Variants in SUPT3H observed in about 807,000 individuals in gnomAD.
SUPT3H encodes the protein SPT3 homolog, SAGA and STAGA complex component, also known as transcription initiation protein SPT3 homolog.
Under a neutral mutation model 44.3 loss-of-function variants are expected in SUPT3H, and 44 were observed. The ratio of observed to expected loss-of-function variants is 0.99; its 90% CI spans 0.78 to 1.28. The LOEUF (loss-of-function observed/expected upper bound fraction) is 1.28, where lower values mean the gene tolerates loss of function less well. Among genes scored for constraint, SUPT3H ranks in the 50% most tolerant of loss-of-function variants. The pLI is 0.00. For missense variants in SUPT3H, 380 were observed against 387.1 expected, an observed-to-expected ratio of 0.98 and a Z score of 0.15; for synonymous variants, 124 against 125.6, an observed-to-expected ratio of 0.99 and a Z score of 0.09.
At chr6:45,328,184 G>A (rs1786699879) in intron 2 of SUPT3H, 2 of 927,274 alleles carry the variant, frequency 2.2e-6, no homozygotes, top group African/African-American at 1.7e-5. Flanking sequence ...AAAGAGCAAG[G>A]GGGAAAAGCC....
intron 10 of SUPT3H, among the ~76,000 whole-genome samples, chr6:44,869,996 G>A (rs1360124884): frequency 1.3e-5 from 2 of 152,182 alleles, no homozygotes; most frequent in African/African-American, 4.8e-5. Context: ...AGCAAGTTGT[G>A]TATGAGGTAC....
At chr6:45,068,566 G>T (rs984372613) in intron 3 of SUPT3H, among the ~76,000 whole-genome samples, 1 of 152,132 alleles carries the variant, frequency 6.6e-6, no homozygotes. Context: ...CAAGTTGATT[G>T]AAAACATAAC....
chr6:45,299,765 A>AAATT (rs1213626877), intron 2 of SUPT3H, among the ~76,000 whole-genome samples: 1 of 151,956 alleles, frequency 6.6e-6, no homozygotes, highest in Admixed American at 6.6e-5. Context: ...AAAAAAAAAA[A>AAATT]AATTAATTAA....
intron 10 of SUPT3H, among the ~76,000 whole-genome samples, chr6:44,915,560 C>A (rs1459112492): frequency 1.3e-5 from 2 of 152,126 alleles, no homozygotes. Flanking sequence ...GGACATGCCA[C>A]ATTATACCCT....
chr6:44,920,190 T>TA (rs560388536), intron 10 of SUPT3H, among the ~76,000 whole-genome samples: 273 of 151,214 alleles, frequency 1.8e-3, no homozygotes, highest in African/African-American at 6.4e-3. Context: ...CAATCACTTA[T>TA]ATTTTTCTAC....
chr6:45,345,165 CTT>C (rs1008886598), intron 2 of SUPT3H, among the ~76,000 whole-genome samples: 27 of 152,234 alleles, frequency 1.8e-4, no homozygotes, highest in Middle Eastern at 3.4e-3. Context: ...TTATAAAAAT[CTT>C]TGACACTTTA....
chr6:44,863,602 G>A (rs1021544252), intron 10 of SUPT3H, among the ~76,000 whole-genome samples: 5 of 152,094 alleles, frequency 3.3e-5, no homozygotes, highest in Non-Finnish European at 7.4e-5. Flanking sequence ...CAGGATAGAG[G>A]TCAGGGTGGC....
downstream of SUPT3H, among the ~76,000 whole-genome samples, chr6:44,825,091 C>T (rs1467926129): frequency 6.6e-6 from 1 of 152,154 alleles, no homozygotes; most frequent in Non-Finnish European, 1.5e-5. Flanking sequence ...GTAAACAGAG[C>T]CTTCTGGGGA....
At chr6:44,869,663 T>C (rs1776051868) in intron 10 of SUPT3H, among the ~76,000 whole-genome samples, 1 of 152,328 alleles carries the variant, frequency 6.6e-6, no homozygotes, top group Non-Finnish European at 1.5e-5. Flanking sequence ...TTTTCTAACC[T>C]GCCCCGAATC....
intron 10 of SUPT3H, among the ~76,000 whole-genome samples, chr6:44,854,214 C>T (rs541061977): frequency 8.0e-4 from 122 of 152,128 alleles, no homozygotes; most frequent in African/African-American, 2.8e-3. Flanking sequence ...AAAATGAATG[C>T]AGGAATGATT....
At chr6:45,278,348 C>A (rs1161263054) in intron 2 of SUPT3H, among the ~76,000 whole-genome samples, 1 of 151,922 alleles carries the variant, frequency 6.6e-6, no homozygotes, top group Non-Finnish European at 1.5e-5. Flanking sequence ...GGTCTTTTTC[C>A]AACTATGGTA....
intron 1 of SUPT3H, among the ~76,000 whole-genome samples, chr6:45,374,502 A>T (rs1796504972): frequency 6.6e-6 from 1 of 152,232 alleles, no homozygotes; most frequent in African/African-American, 2.4e-5. Context: ...CAAGTGTTAG[A>T]GCCTCAATAA....
intron 9 of SUPT3H, among the ~76,000 whole-genome samples, chr6:44,947,394 T>C (rs1295139344): frequency 2.6e-5 from 4 of 152,114 alleles, no homozygotes; most frequent in African/African-American, 7.2e-5. Context: ...AGACTTCATA[T>C]GTACAGCATT....
At chr6:45,137,725 C>T (rs1339600648) in intron 2 of SUPT3H, among the ~76,000 whole-genome samples, 1 of 150,974 alleles carries the variant, frequency 6.6e-6, no homozygotes, top group East Asian at 1.9e-4. Flanking sequence ...AAGTAGAAAC[C>T]AAGAAATAAA....
chr6:45,253,848 C>CATATATAT (rs34256293), intron 2 of SUPT3H, among the ~76,000 whole-genome samples: 2,075 of 88,684 alleles, frequency 0.023, 104 homozygotes, highest in Admixed American at 0.059. Context: ...CACATATACG[C>CATATATAT]ATATATATAT....
chr6:44,815,965 A>G (rs1011809163), intron 11 of SUPT3H, among the ~76,000 whole-genome samples: 1 of 152,138 alleles, frequency 6.6e-6, no homozygotes, highest in Non-Finnish European at 1.5e-5. Context: ...TCAAGTGCAT[A>G]TGCACATGTT....
At chr6:45,135,256 A>G (rs185571309) in intron 2 of SUPT3H, among the ~76,000 whole-genome samples, 1 of 152,110 alleles carries the variant, frequency 6.6e-6, no homozygotes, top group Non-Finnish European at 1.5e-5. Flanking sequence ...TCATCTTCCC[A>G]TTGTTTTAAC....
intron 2 of SUPT3H, among the ~76,000 whole-genome samples, chr6:45,214,307 C>A: frequency 6.6e-6 from 1 of 151,598 alleles, no homozygotes. Flanking sequence ...CAAAAATTGC[C>A]AAATGGGAAT....
chr6:44,847,597 C>T (rs1399330652), intron 10 of SUPT3H, among the ~76,000 whole-genome samples: 1 of 151,836 alleles, frequency 6.6e-6, no homozygotes, highest in Non-Finnish European at 1.5e-5. Flanking sequence ...AAGTGATTCT[C>T]CTGCCTCAGC....
Sources: allele counts gnomAD v4.1 joint callset (sites outside exome capture counted in the v4.1 genomes callset), GRCh38; gene constraint gnomAD v4.1.1; transcripts MANE v1.5; gene names NCBI Gene and HGNC (gene_info 2026-07-23, HGNC 2026-07-21).